EXOC3: variants seen among roughly 807,000 people sequenced by gnomAD.
EXOC3 encodes the protein SEC6-like 1.
Under a neutral mutation model 73.7 loss-of-function variants are expected in EXOC3, and 21 were observed. The observed-to-expected ratio is 0.29, with a 90% CI of 0.20 to 0.41. The LOEUF is 0.41. Among genes scored for constraint, EXOC3 ranks in the 10% least tolerant of loss-of-function variants. The pLI, the probability that EXOC3 is intolerant of heterozygous loss-of-function variation, is 1.00. For missense variants in EXOC3, 842 were observed against 985.1 expected, an observed-to-expected ratio of 0.85 and a Z score of 1.95; for synonymous variants, 410 against 389.1, an observed-to-expected ratio of 1.05 and a Z score of -0.63.
At position 466,824 on chromosome 5, in the gene EXOC3, G is replaced by A; in HGVS notation, c.2164G>A (p.Ala722Thr). 1 of 1,613,386 alleles carries A rather than the reference G, an allele frequency of 6.2e-7. No individual in the cohort carries two copies. The highest frequency in any genetic ancestry group is 8.5e-7 in the Non-Finnish European group (1 of 1,179,778). The change falls in exon 13 of 13, where the codon GCC becomes ACC. Residue 722 changes from alanine to threonine, a missense_variant. Physicochemically the swap from Ala to Thr is moderately conservative, Grantham distance 58 (BLOSUM62 0). Transcript: ENST00000512944. Reference sequence around the variant, plus strand: ...GACCCTGGAGCAGGGCCCAGCACAGGCCAGCCCCAGCTACGTGCCCCTCTT... The same window carrying A: ...GACCCTGGAGCAGGGCCCAGCACAGACCAGCCCCAGCTACGTGCCCCTCTT... The part of the protein sequence containing the change: ...METLEQGPAQ[A>T]SPSYVPLFKD...
chr5:462,457 C>T (rs940124592), intron 9 of EXOC3, 150 bp downstream of exon 9: 8 of 808,950 alleles, frequency 9.9e-6, no homozygotes, highest in African/African-American at 3.4e-5. Flanking sequence ...TCGCTTAAAG[C>T]GCCTCCGTTT....
At chr5:457,300 C>A in intron 5 of EXOC3, 1 of 408,150 alleles carries the variant, frequency 2.5e-6, no homozygotes, top group Non-Finnish European at 4.5e-6. Flanking sequence ...GTGGCAGCAC[C>A]TGCCAGGCTC....
intron 3 of EXOC3, among the ~76,000 whole-genome samples, chr5:449,427 T>C (rs1005439607): frequency 6.6e-6 from 1 of 152,178 alleles, no homozygotes; most frequent in East Asian, 1.9e-4. Context: ...GACATGAAAA[T>C]CTGTACCCAT....
intron 10 of EXOC3, chr5:464,676 T>G: frequency 2.3e-6 from 1 of 434,952 alleles, no homozygotes; most frequent in Non-Finnish European, 4.3e-6. Flanking sequence ...CTTAGCTCCT[T>G]GCCTTCCACT....
intron 10 of EXOC3, 148 bp from the exon 11 acceptor site, chr5:464,963 C>T: frequency 7.3e-6 from 6 of 819,118 alleles, no homozygotes; most frequent in Non-Finnish European, 1.1e-5. Context: ...TCCTCCTCTG[C>T]GGTGAGATGC....
intron 9 of EXOC3, 176 bp downstream of exon 9, chr5:462,483 C>T (rs1738018883): frequency 1.3e-5 from 8 of 632,100 alleles, no homozygotes; most frequent in East Asian, 5.4e-5. Context: ...GACGCTGCTT[C>T]GTATGATGCA....
In EXOC3 at chr5:447,649, G is replaced by C. The variant is rs768402467; in HGVS notation, c.261G>C (p.Arg87Ser). ...TGGCAGACGTCAGCAAGGACTGGAG[G>C]CAGAGCATCAACACCATTGAGAGCC... ...QSLADVSKDW[R>S]QSINTIESLK... The change falls in exon 3 of 13, where the codon AGG (arginine) becomes AGC (serine). Residue 87 changes from arginine to serine, a missense_variant. Transcript: ENST00000512944. The C allele has an allele frequency of 6.3e-7, 1 of 1,587,010 alleles. No homozygotes were observed.
chr5:464,980 C>T, intron 10 of EXOC3, 131 bp from the exon 11 acceptor site: 5 of 934,052 alleles, frequency 5.4e-6, no homozygotes, highest in Non-Finnish European at 7.8e-6. Flanking sequence ...ATGCCAGAGC[C>T]GTGGCGGAGC....
chr5:444,015 G>T (rs1016760118), intron 1 of EXOC3, among the ~76,000 whole-genome samples: 3 of 152,084 alleles, frequency 2.0e-5, no homozygotes, highest in Non-Finnish European at 4.4e-5. Context: ...TCCCCTCGGC[G>T]CAGGCGTCCC....
intron 2 of EXOC3, chr5:447,331 G>A: frequency 1.8e-6 from 1 of 563,172 alleles, no homozygotes; most frequent in South Asian, 2.2e-5. Context: ...TCATTGTTCT[G>A]TTCCCAGGCA....
intron 6 of EXOC3, among the ~76,000 whole-genome samples, chr5:459,066 A>G (rs1737905263): frequency 6.6e-6 from 1 of 152,316 alleles, no homozygotes; most frequent in East Asian, 1.9e-4. Flanking sequence ...GCCTCACTCC[A>G]CACATTAAAA....
chr5:453,292 T>C, intron 3 of EXOC3, 78 bp from the exon 4 acceptor site: 1 of 1,096,806 alleles, frequency 9.1e-7, no homozygotes, highest in South Asian at 1.6e-5. Context: ...TGCTCTGCCG[T>C]GTTCCCAGAA....
In EXOC3 at chr5:462,412, G is replaced by T. The variant is rs755541796; in HGVS notation, c.1653+105G>T. 9 of 1,318,502 alleles carry T rather than the reference G, an allele frequency of 6.8e-6. No homozygotes were observed. The South Asian group carries it at 1.1e-4, about 16-fold the overall frequency. The allele number at this position is 1,318,502 out of a possible 1,614,324, so 81.7% of individuals were successfully genotyped here. ...GAACTGTACCGTGCGGATGCCGTCTGGGGAGCCGGGCTGTGCACTTGCATT... is the reference window on the plus strand; with the variant it reads ...GAACTGTACCGTGCGGATGCCGTCTTGGGAGCCGGGCTGTGCACTTGCATT... On this transcript the variant is annotated intron_variant, in intron 9 of 12. Transcript: ENST00000512944.
Position 459,396 on chromosome 5 carries a change from G to A in EXOC3, c.1328G>A (p.Ser443Asn). The change falls in exon 7 of 13, where the codon AGT becomes AAT. Residue 443 changes from serine to asparagine, a missense_variant. Coordinates refer to ENST00000512944, the MANE Select transcript of EXOC3 (RefSeq NM_007277.5). ...EQNLQVAAQI[S>N]EDLKTKVLVL... ...AATCTTCAAGTTGCTGCTCAGATAA[G>A]TGAAGATTTGAAAACAAAGGTACTA... 2 of 1,573,178 alleles carry A rather than the reference G, an allele frequency of 1.3e-6. No individual in the cohort carries two copies. Among genetic ancestry groups the A allele is most frequent in the Non-Finnish European group, 1.7e-6 (2 of 1,156,068 alleles).
chr5:457,134 G>T (rs2672755), intron 5 of EXOC3, 128 bp downstream of exon 5: 355,834 of 674,576 alleles, frequency 0.53, 95,624 homozygotes, highest in African/African-American at 0.69. Flanking sequence ...TTGCTCAGTT[G>T]CCCGGGCTCT....
chr5:464,957 C>T, intron 10 of EXOC3, 154 bp from the exon 11 acceptor site: 3 of 790,360 alleles, frequency 3.8e-6, no homozygotes, highest in Non-Finnish European at 5.8e-6. Flanking sequence ...CCCCGCTCCT[C>T]CTCTGCGGTG....
chr5:464,558 G>A (rs1330818613), intron 10 of EXOC3, 146 bp downstream of exon 10: 3 of 799,964 alleles, frequency 3.8e-6, no homozygotes, highest in Non-Finnish European at 6.1e-6. Context: ...TAGGCTCTGC[G>A]GACGCCACCT....
chr5:464,509 G>A (rs1477549402), intron 10 of EXOC3, 97 bp downstream of exon 10: 24 of 1,356,280 alleles, frequency 1.8e-5, no homozygotes, highest in Non-Finnish European at 2.3e-5. Context: ...CTCCGTGAGT[G>A]AACGTTCACT....
chr5:460,091 C>G (rs1388304938), intron 7 of EXOC3, among the ~76,000 whole-genome samples: 1 of 152,218 alleles, frequency 6.6e-6, no homozygotes, highest in African/African-American at 2.4e-5. Flanking sequence ...CTCTCTGAAG[C>G]CACTGCAGTG....
Sources: allele counts gnomAD v4.1 joint callset (sites outside exome capture counted in the v4.1 genomes callset), GRCh38; gene constraint gnomAD v4.1.1; transcripts MANE v1.5; gene names NCBI Gene and HGNC (gene_info 2026-07-23, HGNC 2026-07-21).